IQCH: variants seen among roughly 807,000 people sequenced by gnomAD.
The protein encoded by IQCH is IQ domain-containing protein H.
A neutral mutation model predicts 117.0 loss-of-function variants in IQCH; 98 were observed. The ratio of observed to expected loss-of-function variants is 0.84; its 90% confidence interval spans 0.71 to 0.99. The LOEUF (loss-of-function observed/expected upper bound fraction) is 0.99. Among genes scored for constraint, IQCH ranks in the 50% least tolerant of loss-of-function variants. IQCH has a pLI of 0.00. For synonymous variants in IQCH, 412 were observed against 448.2 expected (o/e 0.92, Z 1.02); for missense variants, 1,102 against 1,243.8 (o/e 0.89, Z 1.72).
rs148428373 is a variant in IQCH, at chr15:67,494,320, A to G, written c.2924A>G (p.His975Arg). The change falls in exon 20 of 21, where the codon CAT becomes CGT. Residue 975 changes from histidine to arginine, a missense_variant. Around this residue, in one of 2 missense-constraint regions of IQCH, gnomAD observed 650 missense variants for 794.3 expected, o/e 0.82. Coordinates refer to ENST00000335894, the MANE Select transcript of IQCH (RefSeq NM_001031715.3). The surrounding 1 kb of genome is among the most constrained non-coding windows in gnomAD (Gnocchi z 5.5). Reference protein sequence around the residue: ...MTFARHLFIIHQEISAPNMQG... With the variant: ...MTFARHLFIIRQEISAPNMQG... ...TTTGCTCGCCATCTCTTCATCATCC[A>G]TCAAGAAATATCAGCACCTAATATG... is the stretch of plus-strand genomic sequence containing the variant. 6.8e-6 allele frequency: 11 copies of G among 1,613,470 alleles called. No individual in the cohort carries two copies. The highest frequency in any genetic ancestry group is 2.2e-5 in the East Asian group (1 of 44,840).
intron 16 of IQCH, among the ~76,000 whole-genome samples, chr15:67,440,739 GACAA>G: frequency 6.6e-6 from 1 of 152,256 alleles, no homozygotes; most frequent in Admixed American, 6.5e-5. Context: ...AGCCATCTAT[GACAA>G]ACCCACAGCC....
At chr15:67,257,956 G>A (rs566689221) in intron 1 of IQCH, among the ~76,000 whole-genome samples, 5 of 152,346 alleles carry the variant, frequency 3.3e-5, no homozygotes, top group Admixed American at 6.5e-5. Context: ...TTGGCCAGGC[G>A]TGGTGGCTCA....
At chr15:67,412,235 A>G (rs2081468581) in intron 14 of IQCH, among the ~76,000 whole-genome samples, 1 of 152,208 alleles carries the variant, frequency 6.6e-6, no homozygotes, top group Non-Finnish European at 1.5e-5. Context: ...AACAAGGTAT[A>G]TATTTTTATT....
rs2082324587 is a variant in IQCH, at chr15:67,443,378, A to G, written c.2506-21749A>G. On this transcript the variant is annotated intron_variant, in intron 16 of 20. Coordinates refer to ENST00000335894, the MANE Select transcript of IQCH (RefSeq NM_001031715.3). The surrounding 1 kb of genome is among the most constrained non-coding windows in gnomAD (Gnocchi z 5.0). ...ACTGATATGTGGGAGCTAAGCTATGAGGATTCAAAGGCATAAGAATGATAC... is the reference window on the plus strand; with the variant it reads ...ACTGATATGTGGGAGCTAAGCTATGGGGATTCAAAGGCATAAGAATGATAC... 6.6e-6 allele frequency among the ~76,000 whole-genome samples: 1 copy of G among 152,178 alleles called. No homozygotes were observed. The highest frequency in any genetic ancestry group is 6.5e-5 in the Admixed American group (1 of 15,278).
rs1357336159 is a variant in IQCH at position 67,254,797 on chromosome 15, G to C, written c.-100G>C. 2.9e-6 allele frequency: 4 copies of C among 1,387,648 alleles called. No individual in the cohort carries two copies. Among genetic ancestry groups the C allele is most frequent in the African/African-American group, 1.4e-5 (1 of 69,838 alleles). 86.0% of individuals were successfully genotyped at this position (1,387,648 alleles called of 1,614,324 possible). A position where few individuals can be genotyped will look rare whatever the true frequency, so the allele number is the denominator to read the frequency against. On this transcript the variant is annotated 5_prime_UTR_variant, in exon 1 of 21. Transcript: ENST00000335894. ...TCCGCTCCCAGCGTGGAACAGGCCA[G>C]GTCGCGCGCGGTGTTGCCATGGGGA...
At chr15:67,483,477 A>C (rs2083391620) in intron 18 of IQCH, among the ~76,000 whole-genome samples, 1 of 152,264 alleles carries the variant, frequency 6.6e-6, no homozygotes, top group African/African-American at 2.4e-5. Flanking sequence ...AGATCGCGCT[A>C]CTGCGCTCCA....
rs931097953 is a variant in IQCH, at chr15:67,386,914, G to T, written c.1456+1895G>T. Among the ~76,000 whole-genome samples the T allele has an allele frequency of 1.3e-5, 2 of 152,142 alleles. No individual in the cohort carries two copies. Among genetic ancestry groups the T allele is most frequent in the African/African-American group, 4.8e-5 (2 of 41,416 alleles). Reference sequence around the variant, plus strand: ...TCCTTTGCCAGAAATTAACAGGAAAGGTGAAATTGGCAACATGATTCCTTT... The same window carrying T: ...TCCTTTGCCAGAAATTAACAGGAAATGTGAAATTGGCAACATGATTCCTTT... On this transcript the variant is annotated intron_variant, in intron 11 of 20. Coordinates refer to ENST00000335894, the MANE Select transcript of IQCH (RefSeq NM_001031715.3). The surrounding 1 kb of genome is among the most constrained non-coding windows in gnomAD (Gnocchi z 5.0).
At position 67,416,902 on chromosome 15, in the gene IQCH, T is replaced by C. The variant is rs760689127; in HGVS notation, c.2098-29T>C. Reference sequence around the variant, plus strand: ...GTTTTCATTTCTGTAGTAAAATTGCTTGTGGTTCTATTTAATTTGTTTCTG... The same window carrying C: ...GTTTTCATTTCTGTAGTAAAATTGCCTGTGGTTCTATTTAATTTGTTTCTG... On this transcript the variant is annotated intron_variant, in intron 14 of 20. Coordinates refer to ENST00000335894, the MANE Select transcript of IQCH (RefSeq NM_001031715.3). The surrounding 1 kb of genome is among the most constrained non-coding windows in gnomAD (Gnocchi z 5.1). The C allele has an allele frequency of 6.5e-7, 1 of 1,537,218 alleles. No individual in the cohort carries two copies. Among genetic ancestry groups the C allele is most frequent in the South Asian group, 1.3e-5 (1 of 79,536 alleles).
chr15:67,294,202 A>G (rs1196759159), intron 4 of IQCH, among the ~76,000 whole-genome samples: 4 of 152,150 alleles, frequency 2.6e-5, no homozygotes, highest in African/African-American at 7.2e-5. Flanking sequence ...TTTCAACACT[A>G]TGAGGACCTT....
intron 1 of IQCH, 53 bp downstream of exon 1, chr15:67,255,000 GCGAGGTC>G: frequency 6.5e-7 from 1 of 1,549,094 alleles, no homozygotes; most frequent in East Asian, 2.3e-5. Context: ...CCACTTCCGA[GCGAGGTC>G]CCGCGCGCCG....
chr15:67,345,476 A>C (rs1969347767), intron 6 of IQCH, among the ~76,000 whole-genome samples: 2 of 152,200 alleles, frequency 1.3e-5, no homozygotes, highest in Admixed American at 6.5e-5. Context: ...ACCAAGGATA[A>C]TATCATTAGT....
intron 4 of IQCH, among the ~76,000 whole-genome samples, chr15:67,313,326 A>G (rs1462574424): frequency 3.3e-5 from 5 of 152,120 alleles, no homozygotes; most frequent in Non-Finnish European, 5.9e-5. Flanking sequence ...TAACATAGGT[A>G]TACCACTTAG....
chr15:67,265,612 G>A (rs1378452636), intron 3 of IQCH, among the ~76,000 whole-genome samples: 2 of 152,132 alleles, frequency 1.3e-5, no homozygotes, highest in African/African-American at 4.8e-5. Flanking sequence ...AAACAAGCAG[G>A]TCCTGAGAGT....
At chr15:67,257,152 G>A (rs1965256578) in intron 1 of IQCH, among the ~76,000 whole-genome samples, 1 of 152,212 alleles carries the variant, frequency 6.6e-6, no homozygotes, top group Admixed American at 6.5e-5. Context: ...GTGACTTTGA[G>A]TTAGGCACTC....
At chr15:67,373,549 A>G in intron 10 of IQCH, 116 bp downstream of exon 10, 1 of 757,426 alleles carries the variant, frequency 1.3e-6, no homozygotes, top group East Asian at 2.6e-5. Flanking sequence ...TCGGCAGGAA[A>G]ATGTTCTCGA....
chr15:67,466,001 C>A lies in IQCH; in HGVS notation c.2676+704C>A. Among the ~76,000 whole-genome samples, 1 of 152,192 alleles carries A rather than the reference C, an allele frequency of 6.6e-6. No homozygotes were observed. The highest frequency in any genetic ancestry group is 1.9e-4 in the East Asian group (1 of 5,200). On this transcript the variant is annotated intron_variant, in intron 17 of 20. Transcript: ENST00000335894. This position sits in a 1 kb window ranked among gnomAD's most constrained non-coding sequence, Gnocchi z 4.4. ...GAAAAGCCAGTCTGAGCATGTTGTT[C>A]CCCTGTGTGTGATTTTGAATGGACT...
chr15:67,362,358 T>C (rs1438677949), intron 8 of IQCH, among the ~76,000 whole-genome samples: 1 of 152,212 alleles, frequency 6.6e-6, no homozygotes, highest in Admixed American at 6.5e-5. Context: ...GCCATCCTTG[T>C]GTTGTAAAAT....
intron 15 of IQCH, 76 bp from the exon 16 acceptor site, chr15:67,421,215 T>A (rs1208823307): frequency 8.0e-7 from 1 of 1,251,238 alleles, no homozygotes; most frequent in Non-Finnish European, 1.1e-6. Flanking sequence ...TTTCAAGACA[T>A]GGCAGATGCA....
At position 67,344,062 on chromosome 15, in the gene IQCH, G is replaced by A. The variant is rs1315781111; in HGVS notation, c.509-1G>A. The A allele has an allele frequency of 6.2e-7, 1 of 1,609,840 alleles. No individual in the cohort carries two copies. Among genetic ancestry groups the A allele is most frequent in the Admixed American group, 1.7e-5 (1 of 59,266 alleles). On this transcript the variant is annotated splice_acceptor_variant, in intron 5 of 20. Transcript: ENST00000335894. LOFTEE classifies it high-confidence loss of function. ...CACATTTTATTAATGTTTCTTTTTAGGGATTTTAAGTATGATAGAACGAGG... is the reference window on the plus strand; with the variant it reads ...CACATTTTATTAATGTTTCTTTTTAAGGATTTTAAGTATGATAGAACGAGG...
Sources: allele counts gnomAD v4.1 joint callset (sites outside exome capture counted in the v4.1 genomes callset), GRCh38; gene constraint gnomAD v4.1.1; regional missense constraint gnomAD v4.1.1; non-coding constraint Gnocchi (gnomAD v3.1); transcripts MANE v1.5; gene names NCBI Gene and HGNC (gene_info 2026-07-23, HGNC 2026-07-21).